The following QTMAN variants were observed in gnomAD, a reference collection of about 807,000 sequenced individuals.
QTMAN encodes queuosine-tRNA mannosyltransferase.
the QTMAN span, among the ~76,000 whole-genome samples, chr2:144,111,842 C>A: frequency 1.3e-5 from 2 of 152,104 alleles, no homozygotes; most frequent in Non-Finnish European, 2.9e-5. Flanking sequence ...GATGCTCGGC[C>A]TGCTTAAAAA....
chr2:144,155,062 G>A, the QTMAN span, among the ~76,000 whole-genome samples: 1 of 152,128 alleles, frequency 6.6e-6, no homozygotes, highest in Non-Finnish European at 1.5e-5. Context: ...GCCCATGGGT[G>A]CTTACATTCC....
the QTMAN span, among the ~76,000 whole-genome samples, chr2:144,053,014 C>T: frequency 6.6e-6 from 1 of 152,130 alleles, no homozygotes; most frequent in Non-Finnish European, 1.5e-5. Context: ...ACTGATACTC[C>T]ACATACATAT....
chr2:144,265,435 C>T, the QTMAN span, among the ~76,000 whole-genome samples: 1 of 152,188 alleles, frequency 6.6e-6, no homozygotes, highest in Non-Finnish European at 1.5e-5. Context: ...CGGTGGCTCA[C>T]ACCTGTAATC....
chr2:144,206,816 T>C, the QTMAN span, among the ~76,000 whole-genome samples: 9 of 152,300 alleles, frequency 5.9e-5, no homozygotes, highest in African/African-American at 2.2e-4. Context: ...GATACAATAA[T>C]GTAATTCTGA....
At chr2:144,041,169 C>T in the QTMAN span, among the ~76,000 whole-genome samples, 4 of 151,992 alleles carry the variant, frequency 2.6e-5, no homozygotes, top group Non-Finnish European at 2.9e-5. Flanking sequence ...TGGGGTCAAG[C>T]GATTTTTAAC....
chr2:144,307,159 T>TAA, the QTMAN span, among the ~76,000 whole-genome samples: 903 of 40,366 alleles, frequency 0.022, 64 homozygotes, highest in Middle Eastern at 0.088. Context: ...GACTCCGTCT[T>TAA]AAAAAAAAAA....
the QTMAN span, chr2:143,947,255 A>T: frequency 1.4e-6 from 1 of 693,914 alleles, no homozygotes; most frequent in Middle Eastern, 3.4e-4. Context: ...ACATTTCAAA[A>T]AGCCACCAAG....
the QTMAN span, among the ~76,000 whole-genome samples, chr2:144,231,731 AT>A: frequency 6.6e-6 from 1 of 152,164 alleles, no homozygotes; most frequent in African/African-American, 2.4e-5. Flanking sequence ...CACAGAAAAA[AT>A]AAAGGGTTTC....
At chr2:144,187,346 C>T in the QTMAN span, among the ~76,000 whole-genome samples, 1 of 152,188 alleles carries the variant, frequency 6.6e-6, no homozygotes, top group African/African-American at 2.4e-5. Context: ...GCATCCTGGC[C>T]TTTTAACAAC....
chr2:144,307,159 T>TTA, the QTMAN span, among the ~76,000 whole-genome samples: 1 of 40,466 alleles, frequency 2.5e-5, no homozygotes, highest in African/African-American at 1.3e-4. Context: ...GACTCCGTCT[T>TTA]AAAAAAAAAA....
chr2:144,115,493 C>T, the QTMAN span, among the ~76,000 whole-genome samples: 30 of 152,350 alleles, frequency 2.0e-4, no homozygotes, highest in South Asian at 1.0e-3. Context: ...ACACTTACTA[C>T]TAAATGTAGG....
At chr2:144,150,156 C>T in the QTMAN span, among the ~76,000 whole-genome samples, 2 of 152,022 alleles carry the variant, frequency 1.3e-5, no homozygotes, top group Admixed American at 6.6e-5. Flanking sequence ...CCAGTTTGGG[C>T]TGTGTTACCA....
the QTMAN span, among the ~76,000 whole-genome samples, chr2:144,273,645 A>G: frequency 6.6e-6 from 1 of 152,228 alleles, no homozygotes; most frequent in Admixed American, 6.5e-5. Flanking sequence ...ATGCTGAAAC[A>G]TAATAGTTGT....
chr2:143,951,148 AAT>A, the QTMAN span: 8 of 152,060 alleles, frequency 5.3e-5, no homozygotes, highest in Non-Finnish European at 7.4e-5. Flanking sequence ...GGAAAATTAA[AAT>A]ATGTTAGATT....
the QTMAN span, among the ~76,000 whole-genome samples, chr2:144,035,640 GAT>G: frequency 6.6e-6 from 1 of 152,152 alleles, no homozygotes; most frequent in Non-Finnish European, 1.5e-5. Flanking sequence ...ACATTTGACA[GAT>G]GTGTAGAAAC....
the QTMAN span, among the ~76,000 whole-genome samples, chr2:144,069,290 T>C: frequency 6.9e-5 from 10 of 144,636 alleles, no homozygotes; most frequent in African/African-American, 2.7e-4. Flanking sequence ...CTTATGGGAA[T>C]CTTTTACAAA....
the QTMAN span, among the ~76,000 whole-genome samples, chr2:144,319,044 T>C: frequency 6.6e-6 from 1 of 152,254 alleles, no homozygotes; most frequent in South Asian, 2.1e-4. Context: ...AAAACAAAAA[T>C]ACATAGGTTT....
At chr2:144,149,445 C>T in the QTMAN span, among the ~76,000 whole-genome samples, 5 of 151,978 alleles carry the variant, frequency 3.3e-5, no homozygotes, top group African/African-American at 4.8e-5. Flanking sequence ...ACTGTATAAG[C>T]TGGATTAGTA....
At chr2:144,170,544 C>T in the QTMAN span, among the ~76,000 whole-genome samples, 1 of 152,078 alleles carries the variant, frequency 6.6e-6, no homozygotes, top group Non-Finnish European at 1.5e-5. Context: ...AGCAAACTTG[C>T]CAAACCTTTA....
Sources: allele counts gnomAD v4.1 joint callset (sites outside exome capture counted in the v4.1 genomes callset), GRCh38; gene constraint gnomAD v4.1.1; transcripts MANE v1.5; gene names NCBI Gene and HGNC (gene_info 2026-07-23, HGNC 2026-07-21).